The following GOLGA4 variants were observed in gnomAD, a reference collection of about 807,000 sequenced individuals.
GOLGA4 encodes the protein golgin A4.
GOLGA4 carries 169 observed loss-of-function variants against 265.9 expected under a neutral mutation model. The ratio of observed to expected loss-of-function variants is 0.64; its 90% CI spans 0.56 to 0.72. GOLGA4 has a LOEUF of 0.72. Ranked by LOEUF, GOLGA4 falls within the 30% of genes least tolerant of loss-of-function variation. The pLI, the probability that GOLGA4 is intolerant of heterozygous loss-of-function variation, is 0.00. For synonymous variants in GOLGA4, 923 were observed against 855.8 expected (o/e 1.08, Z -1.37); for missense variants, 2,482 against 2,483.4 (o/e 1.00, Z 0.01).
intron 21 of GOLGA4, among the ~76,000 whole-genome samples, chr3:37,349,103 A>G (rs1011784507): frequency 2.0e-5 from 3 of 152,190 alleles, no homozygotes; most frequent in Non-Finnish European, 2.9e-5. Context: ...AGAGTAGTCT[A>G]TCATTCTGCC....
In GOLGA4 at chr3:37,325,748, CTAAA is replaced by C; in HGVS notation, c.3865_3868del (p.Asn1289PhefsTer10). ...ACAGTTGACAGAGGAGCAAAATACACTAAATATTTCTTTTCAACAGGCTACTCAT... is the reference window on the plus strand; with the variant it reads ...ACAGTTGACAGAGGAGCAAAATACACTATTTCTTTTCAACAGGCTACTCAT... On this transcript the variant is annotated frameshift_variant, in exon 14 of 24. Coordinates refer to ENST00000361924, the MANE Select transcript of GOLGA4 (RefSeq NM_002078.5). LOFTEE classifies it high-confidence loss of function. 6.2e-7 allele frequency: 1 copy of C among 1,613,484 alleles called. No individual in the cohort carries two copies. Among genetic ancestry groups the C allele is most frequent in the Admixed American group, 1.7e-5 (1 of 59,960 alleles).
At chr3:37,320,520 A>G (rs2096951931) in intron 12 of GOLGA4, 2 of 152,142 alleles carry the variant, frequency 1.3e-5, no homozygotes, top group South Asian at 4.1e-4. Context: ...TTACAGTATG[A>G]TTGGGTGTCT....
At chr3:37,350,319 G>A (rs1290821095) in intron 21 of GOLGA4, among the ~76,000 whole-genome samples, 1 of 152,162 alleles carries the variant, frequency 6.6e-6, no homozygotes, top group African/African-American at 2.4e-5. Context: ...GAATTTAGAG[G>A]TGGGTTTACC....
At position 37,309,494 on chromosome 3, in the gene GOLGA4, G is replaced by T. The variant is rs143967201; in HGVS notation, c.1235-5926G>T. 7.1e-3 allele frequency among the ~76,000 whole-genome samples: 1,085 copies of T among 152,322 alleles called. 15 individuals carry two copies. The highest frequency in any genetic ancestry group is 0.024 in the African/African-American group (1,018 of 41,560). On this transcript the variant is annotated intron_variant, in intron 10 of 23. Coordinates refer to ENST00000361924, the MANE Select transcript of GOLGA4 (RefSeq NM_002078.5). ...TGCTTGAGCCTGGGAGGCGGAGGTT[G>T]CAGTGAGCCAAGATTGTGCCATTGC...
chr3:37,298,426 C>T (rs961837237), intron 7 of GOLGA4, among the ~76,000 whole-genome samples: 3 of 152,078 alleles, frequency 2.0e-5, no homozygotes, highest in African/African-American at 7.2e-5. Flanking sequence ...TGGGTGTTGC[C>T]AGCTGATCCA....
At chr3:37,339,693 A>AT (rs1405457353) in intron 19 of GOLGA4, among the ~76,000 whole-genome samples, 1 of 152,226 alleles carries the variant, frequency 6.6e-6, no homozygotes, top group East Asian at 1.9e-4. Flanking sequence ...TCTTTAGAGC[A>AT]ATGTCTACTC....
chr3:37,299,078 C>T, intron 8 of GOLGA4, 58 bp downstream of exon 8: 3 of 1,384,516 alleles, frequency 2.2e-6, no homozygotes, highest in Non-Finnish European at 3.0e-6. Context: ...TCCACAGGCT[C>T]CACAGCATGG....
chr3:37,328,937 T>C, intron 15 of GOLGA4, 26 bp from the exon 16 acceptor site: 1 of 1,550,594 alleles, frequency 6.4e-7, no homozygotes, highest in Non-Finnish European at 8.7e-7. Flanking sequence ...TGTGTTTTCT[T>C]GTGTGTGTTC....
chr3:37,300,913 T>A (rs1328319714), intron 9 of GOLGA4, among the ~76,000 whole-genome samples: 1 of 152,220 alleles, frequency 6.6e-6, no homozygotes, highest in African/African-American at 2.4e-5. Context: ...TCTTAAGATT[T>A]CTTTTAATTT....
At chr3:37,251,291 C>CT in intron 1 of GOLGA4, 104 bp from the exon 2 acceptor site, 1 of 662,788 alleles carries the variant, frequency 1.5e-6, no homozygotes, top group Non-Finnish European at 2.6e-6. Context: ...CTTTTCCTTT[C>CT]TTTCACTGAA....
intron 20 of GOLGA4, among the ~76,000 whole-genome samples, chr3:37,344,220 G>A (rs1004480981): frequency 4.6e-5 from 7 of 152,208 alleles, no homozygotes; most frequent in Admixed American, 2.6e-4. Flanking sequence ...TCATGTTTCA[G>A]CCTCTAAAGT....
intron 2 of GOLGA4, chr3:37,275,924 G>C (rs1290230088): frequency 6.2e-7 from 1 of 1,613,724 alleles, no homozygotes; most frequent in Non-Finnish European, 8.5e-7. Context: ...AAAATTATTA[G>C]ATGGGCCATC....
intron 7 of GOLGA4, 108 bp from the exon 8 acceptor site, chr3:37,298,725 A>C: frequency 1.3e-6 from 1 of 741,476 alleles, no homozygotes; most frequent in Non-Finnish European, 2.3e-6. Context: ...GTTAGAACCA[A>C]GATGGAGTCG....
intron 4 of GOLGA4, among the ~76,000 whole-genome samples, chr3:37,286,393 T>C (rs961259581): frequency 5.3e-5 from 8 of 151,944 alleles, no homozygotes; most frequent in Admixed American, 2.0e-4. Flanking sequence ...GACCTCATGA[T>C]CCACCCGCCT....
intron 4 of GOLGA4, among the ~76,000 whole-genome samples, chr3:37,287,054 T>A (rs1271354383): frequency 1.3e-5 from 2 of 152,104 alleles, no homozygotes; most frequent in Non-Finnish European, 2.9e-5. Context: ...AAATAAAATA[T>A]AGTTGGCCAG....
intron 21 of GOLGA4, 47 bp downstream of exon 21, chr3:37,347,343 A>G (rs2097059563): frequency 9.3e-7 from 1 of 1,070,274 alleles, no homozygotes; most frequent in Non-Finnish European, 1.5e-6. Context: ...ATTTTAAAAG[A>G]AATATGTTCC....
chr3:37,258,001 A>G (rs1489813384), intron 2 of GOLGA4, among the ~76,000 whole-genome samples: 3 of 76,974 alleles, frequency 3.9e-5, no homozygotes, highest in South Asian at 2.9e-4. Flanking sequence ...ATATATGTAT[A>G]TATACATACA....
At chr3:37,274,966 C>A (rs369229805) in intron 2 of GOLGA4, among the ~76,000 whole-genome samples, 1 of 151,802 alleles carries the variant, frequency 6.6e-6, no homozygotes, top group East Asian at 1.9e-4. Context: ...GTAATCCCAG[C>A]ACTTTGGGAG....
intron 11 of GOLGA4, among the ~76,000 whole-genome samples, chr3:37,316,275 T>C (rs1252887420): frequency 6.6e-6 from 1 of 151,938 alleles, no homozygotes; most frequent in Non-Finnish European, 1.5e-5. Flanking sequence ...ATCCTATTTC[T>C]TTACTGACTC....
Sources: allele counts gnomAD v4.1 joint callset (sites outside exome capture counted in the v4.1 genomes callset), GRCh38; gene constraint gnomAD v4.1.1; transcripts MANE v1.5; gene names NCBI Gene and HGNC (gene_info 2026-07-23, HGNC 2026-07-21).